Variants in CAMTA1 observed in about 807,000 individuals in gnomAD.
The protein encoded by CAMTA1 is calmodulin-binding transcription activator 1.
A neutral mutation model predicts 170.9 loss-of-function variants in CAMTA1; 27 were observed. That is an observed-to-expected ratio of 0.16 (90% CI 0.12 to 0.22). CAMTA1 has a LOEUF of 0.22. Ranked by LOEUF, CAMTA1 falls within the 10% of genes least tolerant of loss-of-function variation. The pLI is 1.00. For missense variants in CAMTA1, 1,619 were observed against 2,217.2 expected, an observed-to-expected ratio of 0.73 and a Z score of 5.42; for synonymous variants, 833 against 891.5, an observed-to-expected ratio of 0.93 and a Z score of 1.17.
intron 1 of CAMTA1, among the ~76,000 whole-genome samples, chr1:6,791,969 TTTC>T (rs1641225927): frequency 6.6e-6 from 1 of 151,890 alleles, no homozygotes; most frequent in African/African-American, 2.4e-5. Context: ...AAGTGTTTCT[TTTC>T]TTTTTTTTTT....
At chr1:7,150,728 C>T (rs962099491) in intron 4 of CAMTA1, among the ~76,000 whole-genome samples, 2 of 152,084 alleles carry the variant, frequency 1.3e-5, no homozygotes, top group African/African-American at 4.8e-5. Flanking sequence ...TGCAGAAGGA[C>T]GCGCAGGACG....
chr1:6,914,460 A>G (rs908998926), intron 3 of CAMTA1, among the ~76,000 whole-genome samples: 42 of 152,220 alleles, frequency 2.8e-4, no homozygotes, highest in African/African-American at 9.9e-4. Context: ...CAGATGCTAT[A>G]TAAGGCTTTC....
At chr1:7,298,772 T>G (rs889661695) in intron 5 of CAMTA1, among the ~76,000 whole-genome samples, 1 of 152,190 alleles carries the variant, frequency 6.6e-6, no homozygotes, top group Non-Finnish European at 1.5e-5. Context: ...TCCCAGTTCC[T>G]TATCCAGGGC....
chr1:7,434,483 A>G (rs2092284758), intron 5 of CAMTA1, among the ~76,000 whole-genome samples: 1 of 151,960 alleles, frequency 6.6e-6, no homozygotes, highest in Admixed American at 6.6e-5. Context: ...ATTCATTCAG[A>G]TTCAGCAAAT....
chr1:7,462,958 A>T (rs2093125418), intron 5 of CAMTA1, among the ~76,000 whole-genome samples: 1 of 152,188 alleles, frequency 6.6e-6, no homozygotes, highest in African/African-American at 2.4e-5. Context: ...CTCCTAGGCC[A>T]CTGGGTCGGG....
intron 3 of CAMTA1, among the ~76,000 whole-genome samples, chr1:6,949,213 G>T (rs958064299): frequency 6.6e-6 from 1 of 152,232 alleles, no homozygotes; most frequent in African/African-American, 2.4e-5. Context: ...GGGGAAGTGG[G>T]GTTAGGGCAG....
chr1:6,900,647 A>T (rs1023133316), intron 3 of CAMTA1, among the ~76,000 whole-genome samples: 1 of 152,218 alleles, frequency 6.6e-6, no homozygotes, highest in South Asian at 2.1e-4. Flanking sequence ...AGCAACAAAC[A>T]ATTGGAAGAG....
intron 3 of CAMTA1, among the ~76,000 whole-genome samples, chr1:6,948,632 T>C (rs1049556596): frequency 5.3e-5 from 8 of 152,226 alleles, no homozygotes; most frequent in Non-Finnish European, 1.0e-4. Flanking sequence ...GTTGATTATC[T>C]TCCCTATGTT....
At chr1:7,042,741 T>C (rs1031734603) in intron 3 of CAMTA1, among the ~76,000 whole-genome samples, 1 of 152,176 alleles carries the variant, frequency 6.6e-6, no homozygotes, top group African/African-American at 2.4e-5. Context: ...GCCAGTCTCC[T>C]CCCTTCAGTA....
chr1:7,757,846 A>G (rs1051683659), intron 22 of CAMTA1, among the ~76,000 whole-genome samples: 2 of 152,190 alleles, frequency 1.3e-5, no homozygotes, highest in Non-Finnish European at 2.9e-5. Context: ...TTTTTGGGGG[A>G]AAAAAGCAGC....
rs199824067 is a variant in CAMTA1 at position 7,270,214 on chromosome 1, CATATATACAT to C, written c.438+20598_438+20607del. On this transcript the variant is annotated intron_variant, in intron 5 of 22. Transcript: ENST00000303635. ...ATTTATATATATACACATATATATA[CATATATACAT>C]ATATATACACATATATACATACACA... Among the ~76,000 whole-genome samples, 788 of 108,730 alleles carry C rather than the reference CATATATACAT, an allele frequency of 7.2e-3. 17 individuals carry two copies. The highest frequency in any genetic ancestry group is 0.047 in the Admixed American group (481 of 10,342). 71.3% of individuals were successfully genotyped at this position (108,730 alleles called of 152,430 possible).
chr1:7,113,158 T>TG lies in CAMTA1; in HGVS notation c.302+21787_302+21788insG, dbSNP rs1447187136. On this transcript the variant is annotated intron_variant, in intron 4 of 22. Transcript: ENST00000303635. The surrounding 1 kb of genome is among the most constrained non-coding windows in gnomAD (Gnocchi z 4.5). Reference sequence around the variant, plus strand: ...ATAAATTATTCAGTGAAACCCAGTCTAACTTTATTAAGGCCAGAATCATCC... The same window carrying TG: ...ATAAATTATTCAGTGAAACCCAGTCTGAACTTTATTAAGGCCAGAATCATCC... 6.6e-6 allele frequency among the ~76,000 whole-genome samples: 1 copy of TG among 152,230 alleles called. No individual in the cohort carries two copies. Among genetic ancestry groups the TG allele is most frequent in the Non-Finnish European group, 1.5e-5 (1 of 68,034 alleles).
chr1:7,396,167 G>T (rs753994407), intron 5 of CAMTA1, among the ~76,000 whole-genome samples: 6 of 152,120 alleles, frequency 3.9e-5, no homozygotes, highest in Non-Finnish European at 8.8e-5. Flanking sequence ...GAGGGAATTC[G>T]TGTTCTATTA....
intron 4 of CAMTA1, among the ~76,000 whole-genome samples, chr1:7,129,396 C>G (rs1264243495): frequency 6.6e-6 from 1 of 152,052 alleles, no homozygotes; most frequent in Admixed American, 6.6e-5. Flanking sequence ...CTCTCCTTTT[C>G]CTCTGGGTCT....
chr1:7,429,520 A>ATGGTG (rs1207630440), intron 5 of CAMTA1, among the ~76,000 whole-genome samples: 1 of 151,700 alleles, frequency 6.6e-6, no homozygotes, highest in South Asian at 2.1e-4. Context: ...GGTGGTACTG[A>ATGGTG]AGGTGATGGT....
intron 3 of CAMTA1, among the ~76,000 whole-genome samples, chr1:6,937,253 TCATCATCACCACTAC>T (rs1685488864): frequency 1.3e-5 from 2 of 149,980 alleles, no homozygotes; most frequent in Admixed American, 1.3e-4. Flanking sequence ...ACCAACACCA[TCATCATCACCACTAC>T]CATCATCACC....
chr1:7,286,651 G>T lies in CAMTA1; in HGVS notation c.438+37025G>T, dbSNP rs1672388011. On this transcript the variant is annotated intron_variant, in intron 5 of 22. Coordinates refer to ENST00000303635, the MANE Select transcript of CAMTA1 (RefSeq NM_015215.4). The surrounding 1 kb of genome is among the most constrained non-coding windows in gnomAD (Gnocchi z 4.2). ...TTTGGAGCTGCTGGGCTAGAGTACA[G>T]GTGTCGTATCTCAGAGCATGTTAGG... 6.6e-6 allele frequency among the ~76,000 whole-genome samples: 1 copy of T among 152,182 alleles called. No individual in the cohort carries two copies. Among genetic ancestry groups the T allele is most frequent in the East Asian group, 1.9e-4 (1 of 5,186 alleles).
chr1:6,837,952 T>C (rs1253923069), intron 3 of CAMTA1, among the ~76,000 whole-genome samples: 2 of 152,184 alleles, frequency 1.3e-5, no homozygotes, highest in Admixed American at 1.3e-4. Flanking sequence ...AATTACATCT[T>C]TTCACTGTGT....
intron 3 of CAMTA1, among the ~76,000 whole-genome samples, chr1:6,862,469 C>G (rs1665107068): frequency 6.6e-6 from 1 of 152,206 alleles, no homozygotes; most frequent in South Asian, 2.1e-4. Flanking sequence ...TGAATAATGC[C>G]ATGAACATAG....
Sources: allele counts gnomAD v4.1 joint callset (sites outside exome capture counted in the v4.1 genomes callset), GRCh38; gene constraint gnomAD v4.1.1; non-coding constraint Gnocchi (gnomAD v3.1); transcripts MANE v1.5; gene names NCBI Gene and HGNC (gene_info 2026-07-23, HGNC 2026-07-21).